Variants in DPYSL5 observed in about 807,000 individuals in gnomAD.
DPYSL5 encodes dihydropyrimidinase-related protein 5.
DPYSL5 carries 9 observed loss-of-function variants against 58.4 expected under a neutral mutation model. The ratio of observed to expected loss-of-function variants is 0.15; its 90% CI spans 0.09 to 0.27. The LOEUF (loss-of-function observed/expected upper bound fraction) is 0.27. Ranked by LOEUF, DPYSL5 falls within the 10% of genes least tolerant of loss-of-function variation. The pLI, the probability that DPYSL5 is intolerant of heterozygous loss-of-function variation, is 1.00. For synonymous variants in DPYSL5, 293 were observed against 301.9 expected (o/e 0.97, Z 0.31); for missense variants, 499 against 770.6 (o/e 0.65, Z 4.17).
Position 26,924,720 on chromosome 2 carries a change from C to G in DPYSL5, c.262-167C>G, listed in dbSNP as rs981002006. ...ATGAAGGTCGCGCTGGCTCTCGCACCTCCACATGGCTCTTTACAGTTTCCC... is the reference window on the plus strand; with the variant it reads ...ATGAAGGTCGCGCTGGCTCTCGCACGTCCACATGGCTCTTTACAGTTTCCC... On this transcript the variant is annotated intron_variant, in intron 2 of 12. Transcript: ENST00000288699. The surrounding 1 kb of genome is among the most constrained non-coding windows in gnomAD (Gnocchi z 4.7). Among the ~76,000 whole-genome samples the G allele has an allele frequency of 6.6e-6, 1 of 152,172 alleles. No individual in the cohort carries two copies. Among genetic ancestry groups the G allele is most frequent in the Non-Finnish European group, 1.5e-5 (1 of 68,026 alleles).
At chr2:26,923,862 G>C (rs1664761999) in intron 2 of DPYSL5, among the ~76,000 whole-genome samples, 1 of 152,088 alleles carries the variant, frequency 6.6e-6, no homozygotes, top group South Asian at 2.1e-4. Flanking sequence ...GCTTCACCAT[G>C]TTGGCCAGGC....
rs571566102 is a variant in DPYSL5 at position 26,905,566 on chromosome 2, G to A, written c.261+6806G>A. Among the ~76,000 whole-genome samples, 16 of 152,166 alleles carry A rather than the reference G, an allele frequency of 1.1e-4. No homozygotes were observed. The highest frequency in any genetic ancestry group is 3.3e-4 in the Admixed American group (5 of 15,270). ...ACCTCCCAGCTCGTTTTCCATGCTC[G>A]TTCTTCCTGCTGCCCTACCACCCCT... On this transcript the variant is annotated intron_variant, in intron 2 of 12. Transcript: ENST00000288699. This position sits in a 1 kb window ranked among gnomAD's most constrained non-coding sequence, Gnocchi z 4.0.
At chr2:26,867,451 TTTTGTTTG>T (rs1553314251) in intron 1 of DPYSL5, among the ~76,000 whole-genome samples, 3 of 142,616 alleles carry the variant, frequency 2.1e-5, no homozygotes, top group Admixed American at 7.4e-5. Context: ...TTGTTTTTTT[TTTTGTTTG>T]TTTTTTTTTT....
At chr2:26,903,001 T>C (rs562198970) in intron 2 of DPYSL5, among the ~76,000 whole-genome samples, 20 of 152,066 alleles carry the variant, frequency 1.3e-4, no homozygotes, top group Non-Finnish European at 2.8e-4. Context: ...ACTGTAAAAA[T>C]GGGCAACCAG....
intron 1 of DPYSL5, among the ~76,000 whole-genome samples, chr2:26,880,078 C>T (rs190910548): frequency 6.6e-6 from 1 of 152,218 alleles, no homozygotes; most frequent in East Asian, 1.9e-4. Context: ...TTTGTAGAGA[C>T]AGAGTCTCAC....
chr2:26,943,727 C>T (rs1665386409), intron 11 of DPYSL5, among the ~76,000 whole-genome samples: 1 of 152,158 alleles, frequency 6.6e-6, no homozygotes, highest in Non-Finnish European at 1.5e-5. Context: ...GTATTATGGG[C>T]ACAGAAAAGT....
At position 26,849,966 on chromosome 2, in the gene DPYSL5, C is replaced by G. The variant is rs565021621; in HGVS notation, c.-5+1712C>G. Among the ~76,000 whole-genome samples the G allele has an allele frequency of 6.6e-6, 1 of 152,292 alleles. No individual in the cohort carries two copies. The highest frequency in any genetic ancestry group is 2.1e-4 in the South Asian group (1 of 4,828). On this transcript the variant is annotated intron_variant, in intron 1 of 12. Coordinates refer to ENST00000288699, the MANE Select transcript of DPYSL5 (RefSeq NM_020134.4). This position sits in a 1 kb window ranked among gnomAD's most constrained non-coding sequence, Gnocchi z 6.2. Reference sequence around the variant, plus strand: ...GGCGTGGTTAGCGGCGCGGAGCTGCCGGGCGGCGACGCAGGTGCCAAAGAC... The same window carrying G: ...GGCGTGGTTAGCGGCGCGGAGCTGCGGGGCGGCGACGCAGGTGCCAAAGAC...
At chr2:26,880,078 CAG>C (rs1270452087) in intron 1 of DPYSL5, among the ~76,000 whole-genome samples, 2 of 152,100 alleles carry the variant, frequency 1.3e-5, no homozygotes, top group Admixed American at 6.5e-5. Flanking sequence ...TTTGTAGAGA[CAG>C]AGTCTCACTA....
rs1334440722 is a variant in DPYSL5, at chr2:26,948,949, T to C, written c.*1954T>C. ...CTTCCGTATATGACCTCTCACTTAG[T>C]CCTCATGACAATGGAGCACTTATTA... is the stretch of plus-strand genomic sequence containing the variant. On this transcript the variant is annotated 3_prime_UTR_variant, in exon 13 of 13. Transcript: ENST00000288699. 2 of 152,240 alleles carry C rather than the reference T, an allele frequency of 1.3e-5. No homozygotes were observed. Among genetic ancestry groups the C allele is most frequent in the Non-Finnish European group, 2.9e-5 (2 of 68,048 alleles). 9.4% of individuals were successfully genotyped at this position (152,240 alleles called of 1,614,324 possible). A position where few individuals can be genotyped will look rare whatever the true frequency, so the allele number is the denominator to read the frequency against.
chr2:26,873,400 C>T (rs1401620623), intron 1 of DPYSL5, among the ~76,000 whole-genome samples: 1 of 152,152 alleles, frequency 6.6e-6, no homozygotes, highest in Non-Finnish European at 1.5e-5. Flanking sequence ...TCTACTGTCC[C>T]TATAGATCAG....
At chr2:26,931,201 G>GTA (rs1161770394) in intron 5 of DPYSL5, among the ~76,000 whole-genome samples, 792 of 54,522 alleles carry the variant, frequency 0.015, 34 homozygotes, top group East Asian at 0.057. Flanking sequence ...GTGTGTGTGT[G>GTA]TGTATATATA....
chr2:26,856,715 T>TA (rs35245760), intron 1 of DPYSL5, among the ~76,000 whole-genome samples: 31,867 of 148,318 alleles, frequency 0.21, 5,218 homozygotes, highest in African/African-American at 0.46. Context: ...ATGGAGAAAT[T>TA]AAAAAAAAAA....
At chr2:26,895,979 T>C (rs1664011398) in intron 1 of DPYSL5, among the ~76,000 whole-genome samples, 1 of 151,750 alleles carries the variant, frequency 6.6e-6, no homozygotes, top group African/African-American at 2.4e-5. Context: ...GGGGTTTCAC[T>C]ATCTTGGGCA....
chr2:26,919,096 G>A (rs1050086417), intron 2 of DPYSL5, among the ~76,000 whole-genome samples: 3 of 152,124 alleles, frequency 2.0e-5, no homozygotes, highest in East Asian at 1.9e-4. Context: ...AGTGACCAAC[G>A]CATTGTTCTC....
At chr2:26,887,941 G>A (rs1663760664) in intron 1 of DPYSL5, among the ~76,000 whole-genome samples, 1 of 152,112 alleles carries the variant, frequency 6.6e-6, no homozygotes, top group African/African-American at 2.4e-5. Context: ...CTAGGATTCG[G>A]GATATCCAAA....
At chr2:26,916,088 C>T (rs553727741) in intron 2 of DPYSL5, among the ~76,000 whole-genome samples, 1 of 152,202 alleles carries the variant, frequency 6.6e-6, no homozygotes, top group East Asian at 1.9e-4. Flanking sequence ...TTGATTTTCT[C>T]TCTCCTGATG....
intron 2 of DPYSL5, among the ~76,000 whole-genome samples, chr2:26,914,650 T>C (rs528425358): frequency 3.0e-4 from 45 of 152,320 alleles, no homozygotes; most frequent in African/African-American, 1.0e-3. Context: ...CAGACCTTTC[T>C]CTCACTTCTC....
intron 2 of DPYSL5, among the ~76,000 whole-genome samples, chr2:26,901,752 T>C (rs1664162636): frequency 6.6e-6 from 1 of 152,064 alleles, no homozygotes; most frequent in Non-Finnish European, 1.5e-5. Context: ...CCCTGAACCC[T>C]GCACACAACA....
At chr2:26,921,629 C>T (rs974118360) in intron 2 of DPYSL5, among the ~76,000 whole-genome samples, 1 of 152,188 alleles carries the variant, frequency 6.6e-6, no homozygotes, top group African/African-American at 2.4e-5. Context: ...AAAAAGCCAA[C>T]TCTATGTATG....
Sources: gnomAD v4.1 joint callset for allele counts (sites outside exome capture counted in the v4.1 genomes callset) on GRCh38, gnomAD v4.1.1 for gene constraint, Gnocchi (gnomAD v3.1) non-coding constraint, MANE v1.5 for transcripts, NCBI Gene and HGNC (gene_info 2026-07-23, HGNC 2026-07-21) for gene names.